The following PPIL1 variants were observed in gnomAD, a reference collection of about 807,000 sequenced individuals.
PPIL1 encodes peptidyl-prolyl cis-trans isomerase-like 1.
Under a neutral mutation model 19.4 loss-of-function variants are expected in PPIL1, and 14 were observed. That is an observed-to-expected ratio of 0.72 (90% CI 0.48 to 1.13). The LOEUF (loss-of-function observed/expected upper bound fraction) is 1.13. PPIL1 is among the 50% of genes most tolerant of loss of function. The pLI, the probability that PPIL1 is intolerant of heterozygous loss-of-function variation, is 0.00. For missense variants in PPIL1, 192 were observed against 218.0 expected (o/e 0.88, Z 0.75); for synonymous variants, 72 against 73.6 (o/e 0.98, Z 0.11).
chr6:36,859,423 TCAA>T (rs1774233549), intron 2 of PPIL1, among the ~76,000 whole-genome samples: 1 of 41,878 alleles, frequency 2.4e-5, no homozygotes, highest in African/African-American at 7.9e-5. Flanking sequence ...AGACCCTGTC[TCAA>T]AAAAAAAAAA....
intron 2 of PPIL1, among the ~76,000 whole-genome samples, chr6:36,870,795 T>G (rs2150660210): frequency 6.6e-6 from 1 of 152,260 alleles, no homozygotes; most frequent in East Asian, 1.9e-4. Flanking sequence ...CGGCTAATTT[T>G]TGTATTTTAG....
At chr6:36,870,912 C>T (rs539746322) in intron 2 of PPIL1, among the ~76,000 whole-genome samples, 4 of 152,340 alleles carry the variant, frequency 2.6e-5, no homozygotes, top group Non-Finnish European at 5.9e-5. Context: ...GCGTGAGCCA[C>T]CGTGCCCAGC....
Position 36,874,734 on chromosome 6 carries a change from G to A in PPIL1, c.39C>T (p.Asn13=). Residue 13 remains asparagine (N), a synonymous_variant, in exon 1 of 4, where the codon AAC becomes AAT. Coordinates refer to ENST00000373699, the MANE Select transcript of PPIL1 (RefSeq NM_016059.5). ...AIPPDSWQPP[N]VYLETSMGII... The stretch of plus-strand genomic sequence containing the variant: ...CCCCTCACCTGGTCTCCAAGTAAAC[G>A]TTGGGTGGCTGCCAGGAATCTGGGG... The A allele has an allele frequency of 6.2e-7, 1 of 1,614,172 alleles. No individual in the cohort carries two copies. The highest frequency in any genetic ancestry group is 1.7e-4 in the Middle Eastern group (1 of 6,056).
chr6:36,856,929 C>T (rs1294436236), intron 2 of PPIL1, among the ~76,000 whole-genome samples: 1 of 152,178 alleles, frequency 6.6e-6, no homozygotes, highest in African/African-American at 2.4e-5. Context: ...AGGTAGAAAA[C>T]ATAGAACATT....
At chr6:36,869,830 A>G (rs918286203) in intron 2 of PPIL1, among the ~76,000 whole-genome samples, 5 of 152,230 alleles carry the variant, frequency 3.3e-5, no homozygotes, top group African/African-American at 1.2e-4. Context: ...ATTCTGTTCT[A>G]TATATATGAA....
In PPIL1 at chr6:36,855,560, G is replaced by A. The variant is rs1243783135; in HGVS notation, c.*253C>T. 2.0e-6 allele frequency: 1 copy of A among 509,378 alleles called. No homozygotes were observed. The highest frequency in any genetic ancestry group is 1.9e-5 in the African/African-American group (1 of 51,870). 31.6% of individuals were successfully genotyped at this position (509,378 alleles called of 1,614,324 possible). A position where few individuals can be genotyped will look rare whatever the true frequency, so the allele number is the denominator to read the frequency against. On this transcript the variant is annotated 3_prime_UTR_variant, in exon 4 of 4. Coordinates refer to ENST00000373699, the MANE Select transcript of PPIL1 (RefSeq NM_016059.5). ...CACAAGAAGCAGCATTATGGTTCAT[G>A]TGTAGTAAGTAGTCACCTATTGATA...
At chr6:36,859,295 C>T (rs1008786123) in intron 2 of PPIL1, among the ~76,000 whole-genome samples, 17 of 151,836 alleles carry the variant, frequency 1.1e-4, no homozygotes, top group African/African-American at 2.7e-4. Flanking sequence ...CGTGGTGGCA[C>T]GTGCCTGTAA....
intron 2 of PPIL1, among the ~76,000 whole-genome samples, chr6:36,867,543 A>G (rs1239791650): frequency 6.6e-6 from 1 of 152,268 alleles, no homozygotes; most frequent in Non-Finnish European, 1.5e-5. Flanking sequence ...CTCTGAAAAC[A>G]AAGCCCTTGA....
At chr6:36,870,541 A>G (rs1236616646) in intron 2 of PPIL1, among the ~76,000 whole-genome samples, 1 of 152,174 alleles carries the variant, frequency 6.6e-6, no homozygotes, top group African/African-American at 2.4e-5. Context: ...TCCCCAAACA[A>G]TACAGTACAA....
chr6:36,865,621 G>A (rs938637302), intron 2 of PPIL1, among the ~76,000 whole-genome samples: 8 of 151,932 alleles, frequency 5.3e-5, no homozygotes, highest in Admixed American at 3.3e-4. Context: ...GACCCATCTC[G>A]CATATGCCTC....
intron 3 of PPIL1, 98 bp from the exon 4 acceptor site, chr6:36,856,131 T>C (rs985323732): frequency 7.6e-7 from 1 of 1,321,724 alleles, no homozygotes; most frequent in Admixed American, 2.1e-5. Flanking sequence ...CAGCCAGGAC[T>C]TTGTTCTGGC....
chr6:36,871,876 C>G lies in PPIL1; in HGVS notation c.57-4G>C, dbSNP rs1034440795. 3 of 1,574,532 alleles carry G rather than the reference C, an allele frequency of 1.9e-6. No individual in the cohort carries two copies. Among genetic ancestry groups the G allele is most frequent in the African/African-American group, 2.8e-5 (2 of 72,184 alleles). On this transcript the variant is annotated splice_region_variant and splice_polypyrimidine_tract_variant and intron_variant, in intron 1 of 3. Coordinates refer to ENST00000373699, the MANE Select transcript of PPIL1 (RefSeq NM_016059.5). ...CTCCAGCACAATGATTCCCATGCTGCAGAGGGAGAGGACAACAGCTCCAGT... is the reference window on the plus strand; with the variant it reads ...CTCCAGCACAATGATTCCCATGCTGGAGAGGGAGAGGACAACAGCTCCAGT...
intron 1 of PPIL1, among the ~76,000 whole-genome samples, chr6:36,873,264 A>G (rs987137903): frequency 6.6e-6 from 1 of 152,244 alleles, no homozygotes; most frequent in Non-Finnish European, 1.5e-5. Flanking sequence ...TAAGGATACA[A>G]TATGTGCAAG....
In PPIL1 at chr6:36,871,733, C is replaced by A. The variant is rs1434281631; in HGVS notation, c.196G>T (p.Asp66Tyr). The A allele has an allele frequency of 6.8e-6, 11 of 1,606,648 alleles. No homozygotes were observed. Among genetic ancestry groups the A allele is most frequent in the Non-Finnish European group, 9.3e-6 (11 of 1,177,250 alleles). Residue 66 changes from aspartate (D) to tyrosine (Y), a missense_variant, in exon 2 of 4, where the codon GAC becomes TAC. By Grantham distance (160) the Asp-to-Tyr change is radical (BLOSUM62 -3). Transcript: ENST00000373699. ...IIKDFMIQGGDPTGTGRGGAS... is the reference protein window; with the variant it reads ...IIKDFMIQGGYPTGTGRGGAS... The stretch of plus-strand genomic sequence containing the variant: ...TTAACTGTACCTGTCCCTGTTGGGT[C>A]ACCTCCTTGGATCATGAAGTCTTTG...
In PPIL1 at chr6:36,858,231, C is replaced by CAAAA. The variant is rs55719434; in HGVS notation, c.212-1581_212-1578dup. ...CCTGGGCGACAGAGCAAGACTGTCT[C>CAAAA]AAAAAAAAAAAAAAAAAAAAAAAAA... On this transcript the variant is annotated intron_variant, in intron 2 of 3. Coordinates refer to ENST00000373699, the MANE Select transcript of PPIL1 (RefSeq NM_016059.5). Among the ~76,000 whole-genome samples, 111 of 68,158 alleles carry CAAAA rather than the reference C, an allele frequency of 1.6e-3. 2 individuals are homozygous for CAAAA. The highest frequency in any genetic ancestry group is 0.01 in the East Asian group (19 of 1,858). The allele number at this position is 68,158 out of a possible 152,430, so 44.7% of individuals were successfully genotyped here.
chr6:36,861,216 G>A (rs1774282486), intron 2 of PPIL1, among the ~76,000 whole-genome samples: 1 of 152,064 alleles, frequency 6.6e-6, no homozygotes, highest in South Asian at 2.1e-4. Context: ...CCACCCCGCA[G>A]CACTCTCACT....
chr6:36,857,486 AT>A (rs551785530), intron 2 of PPIL1, among the ~76,000 whole-genome samples: 61 of 147,118 alleles, frequency 4.1e-4, no homozygotes, highest in Admixed American at 1.2e-3. Flanking sequence ...GACTCCATAA[AT>A]TTTTTTTTTT....
At chr6:36,856,535 G>A (rs377061562) in intron 3 of PPIL1, 51 bp downstream of exon 3, 7 of 1,522,180 alleles carry the variant, frequency 4.6e-6, no homozygotes, top group Non-Finnish European at 2.7e-6. Context: ...CCAAAAGAGT[G>A]AGCTTTTAAA....
chr6:36,869,752 G>A (rs979824394), intron 2 of PPIL1, among the ~76,000 whole-genome samples: 3 of 152,098 alleles, frequency 2.0e-5, no homozygotes, highest in African/African-American at 7.2e-5. Context: ...AATTAAGGTC[G>A]GGGAAAAATA....
Sources: gnomAD v4.1 joint callset for allele counts (sites outside exome capture counted in the v4.1 genomes callset) on GRCh38, gnomAD v4.1.1 for gene constraint, MANE v1.5 for transcripts, NCBI Gene and HGNC (gene_info 2026-07-23, HGNC 2026-07-21) for gene names.